Variants in VAT1L observed in about 807,000 individuals in gnomAD.
The protein encoded by VAT1L is putative NADPH-dependent quinone oxidoreductase VAT1L.
VAT1L carries 34 observed loss-of-function variants against 44.1 expected under a neutral mutation model. That is an observed-to-expected ratio of 0.77 (90% confidence interval 0.59 to 1.03). The LOEUF (loss-of-function observed/expected upper bound fraction) is 1.03. VAT1L is among the 50% of genes least tolerant of loss of function. The probability of loss-of-function intolerance (pLI) is 0.00; values close to 1 mark genes in which losing one functional copy is unlikely to be tolerated. For missense variants in VAT1L, 615 were observed against 538.8 expected (o/e 1.14, Z -1.40); for synonymous variants, 253 against 202.2 (o/e 1.25, Z -2.13).
intron 7 of VAT1L, among the ~76,000 whole-genome samples, chr16:77,891,820 C>T (rs1246041952): frequency 6.6e-6 from 1 of 152,150 alleles, no homozygotes; most frequent in East Asian, 1.9e-4. Context: ...TGCCTATAAT[C>T]CCAGCACTTT....
At chr16:77,886,730 C>T (rs559318652) in intron 7 of VAT1L, among the ~76,000 whole-genome samples, 20 of 152,082 alleles carry the variant, frequency 1.3e-4, no homozygotes, top group African/African-American at 4.3e-4. Flanking sequence ...AGCTGCCTGT[C>T]GTAATAAGTT....
intron 1 of VAT1L, among the ~76,000 whole-genome samples, chr16:77,798,419 C>T (rs1248640362): frequency 1.3e-5 from 2 of 152,156 alleles, no homozygotes; most frequent in Non-Finnish European, 2.9e-5. Flanking sequence ...CCTCAGTTTG[C>T]TCATCTGTAA....
At chr16:77,825,982 C>G (rs935860419) in intron 3 of VAT1L, among the ~76,000 whole-genome samples, 3 of 139,342 alleles carry the variant, frequency 2.2e-5, no homozygotes, top group Non-Finnish European at 4.6e-5. Flanking sequence ...GAGATTGCGC[C>G]ACTGCACTCC....
chr16:77,790,859 A>G (rs905104341), intron 1 of VAT1L, among the ~76,000 whole-genome samples: 2 of 152,166 alleles, frequency 1.3e-5, no homozygotes, highest in Admixed American at 6.5e-5. Context: ...GAACTGAAGC[A>G]TTTTGAAATA....
chr16:77,849,674 G>A (rs1485344038), intron 3 of VAT1L, among the ~76,000 whole-genome samples: 4 of 152,212 alleles, frequency 2.6e-5, no homozygotes, highest in Admixed American at 6.5e-5. Context: ...AGGTGGCAAA[G>A]GTGAAATGAA....
chr16:77,859,255 G>T (rs191683859), intron 3 of VAT1L, among the ~76,000 whole-genome samples: 210 of 152,146 alleles, frequency 1.4e-3, no homozygotes, highest in Non-Finnish European at 1.5e-3. Flanking sequence ...AGCCATGATT[G>T]AACCACTACA....
intron 7 of VAT1L, among the ~76,000 whole-genome samples, chr16:77,966,924 G>C (rs930419346): frequency 3.9e-5 from 4 of 101,996 alleles, no homozygotes; most frequent in African/African-American, 1.6e-4. Context: ...TTAAGCAGTA[G>C]AGTACTTTAA....
chr16:77,856,463 G>T (rs559666725), intron 3 of VAT1L, among the ~76,000 whole-genome samples: 24 of 152,254 alleles, frequency 1.6e-4, no homozygotes, highest in African/African-American at 5.8e-4. Context: ...GCTAAAAACT[G>T]CTCCTTACTC....
At chr16:77,898,322 A>G (rs1489959952) in intron 7 of VAT1L, among the ~76,000 whole-genome samples, 1 of 152,184 alleles carries the variant, frequency 6.6e-6, no homozygotes, top group Non-Finnish European at 1.5e-5. Context: ...AAATATTTGG[A>G]AAAGAGGGGG....
intron 3 of VAT1L, among the ~76,000 whole-genome samples, chr16:77,838,875 T>C (rs1266298615): frequency 6.6e-6 from 1 of 151,800 alleles, no homozygotes; most frequent in Non-Finnish European, 1.5e-5. Context: ...CTTTATTCTT[T>C]CTCTCCACCC....
At chr16:77,974,098 G>C (rs2018309570) in intron 8 of VAT1L, among the ~76,000 whole-genome samples, 2 of 152,288 alleles carry the variant, frequency 1.3e-5, no homozygotes, top group African/African-American at 4.8e-5. Flanking sequence ...ATTCAATGAA[G>C]GACACCTTCA....
intron 1 of VAT1L, among the ~76,000 whole-genome samples, chr16:77,803,689 G>A (rs973483093): frequency 2.0e-5 from 3 of 152,136 alleles, no homozygotes; most frequent in Non-Finnish European, 4.4e-5. Flanking sequence ...AAAGAGCTGG[G>A]ATTACAGGCG....
At chr16:77,837,596 G>C (rs1397454958) in intron 3 of VAT1L, among the ~76,000 whole-genome samples, 1 of 152,140 alleles carries the variant, frequency 6.6e-6, no homozygotes, top group African/African-American at 2.4e-5. Flanking sequence ...AAAGAAGACA[G>C]AAAAGGGCCA....
At chr16:77,954,140 A>G (rs1444176301) in intron 7 of VAT1L, among the ~76,000 whole-genome samples, 2 of 152,198 alleles carry the variant, frequency 1.3e-5, no homozygotes, top group African/African-American at 4.8e-5. Flanking sequence ...CAGAAAAACA[A>G]TATCCTGAAG....
At chr16:77,897,896 G>A (rs865904353) in intron 7 of VAT1L, among the ~76,000 whole-genome samples, 1 of 152,134 alleles carries the variant, frequency 6.6e-6, no homozygotes, top group South Asian at 2.1e-4. Context: ...CAAAACAGTT[G>A]TGTATGAGTT....
intron 2 of VAT1L, among the ~76,000 whole-genome samples, chr16:77,823,042 C>T (rs1201770439): frequency 2.0e-5 from 3 of 152,076 alleles, no homozygotes; most frequent in African/African-American, 7.2e-5. Flanking sequence ...TGTCTTTATA[C>T]TATATCATCC....
At chr16:77,805,522 C>T (rs1162309414) in intron 1 of VAT1L, among the ~76,000 whole-genome samples, 1 of 150,858 alleles carries the variant, frequency 6.6e-6, no homozygotes, top group African/African-American at 2.4e-5. Flanking sequence ...ATCAGCAAGA[C>T]GAGAGCAGAA....
At chr16:77,925,196 G>C (rs1405773160) in intron 7 of VAT1L, among the ~76,000 whole-genome samples, 1 of 152,054 alleles carries the variant, frequency 6.6e-6, no homozygotes, top group Non-Finnish European at 1.5e-5. Flanking sequence ...AATTTAAGGA[G>C]GCACTCACTC....
At chr16:77,811,473 T>C (rs1164712383) in intron 1 of VAT1L, among the ~76,000 whole-genome samples, 2 of 152,110 alleles carry the variant, frequency 1.3e-5, no homozygotes, top group Non-Finnish European at 2.9e-5. Flanking sequence ...CGGCCTACCA[T>C]GGTTTATAGA....
Sources: gnomAD v4.1 joint callset for allele counts (sites outside exome capture counted in the v4.1 genomes callset) on GRCh38, gnomAD v4.1.1 for gene constraint, MANE v1.5 for transcripts, NCBI Gene and HGNC (gene_info 2026-07-23, HGNC 2026-07-21) for gene names.